The following ACKR3 variants were observed in gnomAD, a reference collection of about 807,000 sequenced individuals.
ACKR3 encodes the protein C-X-C chemokine receptor type 7.
In ACKR3, 6 loss-of-function variants were observed where a neutral mutation model predicts 22.4. The ratio of observed to expected loss-of-function variants is 0.27; its 90% CI spans 0.15 to 0.53. The LOEUF (loss-of-function observed/expected upper bound fraction) is 0.53, where lower values mean the gene tolerates loss of function less well. ACKR3 is among the 20% of genes least tolerant of loss of function. The probability of loss-of-function intolerance (pLI) is 0.96; values close to 1 mark genes in which losing one functional copy is unlikely to be tolerated. For synonymous variants in ACKR3, 209 were observed against 205.2 expected (o/e 1.02, Z -0.16); for missense variants, 396 against 475.2 (o/e 0.83, Z 1.55).
chr2:236,573,290 G>C (rs1297591010), intron 1 of ACKR3, among the ~76,000 whole-genome samples: 1 of 152,220 alleles, frequency 6.6e-6, no homozygotes, highest in African/African-American at 2.4e-5. Flanking sequence ...CAGCGTAAGC[G>C]GGGCTGGCCT....
At chr2:236,538,103 G>A in the ACKR3 span, among the ~76,000 whole-genome samples, 3 of 151,358 alleles carry the variant, frequency 2.0e-5, no homozygotes, top group South Asian at 2.1e-4. Flanking sequence ...TTTTTCTAGC[G>A]TGAAAAGCAA....
chr2:236,576,038 T>G (rs1691406406), intron 1 of ACKR3, among the ~76,000 whole-genome samples: 1 of 152,206 alleles, frequency 6.6e-6, no homozygotes, highest in South Asian at 2.1e-4. Context: ...AGAACCTAAG[T>G]GTCAGAAGTG....
At chr2:236,554,086 T>C in the ACKR3 span, among the ~76,000 whole-genome samples, 3 of 152,256 alleles carry the variant, frequency 2.0e-5, no homozygotes, top group African/African-American at 7.2e-5. Flanking sequence ...CTCAATCTCA[T>C]GGAGGAAGAT....
At position 236,571,936 on chromosome 2, in the gene ACKR3, A is replaced by AT. The variant is rs1691319486; in HGVS notation, c.-27+2014dup. Among the ~76,000 whole-genome samples the AT allele has an allele frequency of 2.0e-5, 3 of 152,342 alleles. No individual in the cohort carries two copies. In the South Asian group the frequency reaches 6.2e-4, roughly 32 times the overall value. On this transcript the variant is annotated intron_variant, in intron 1 of 1. Coordinates refer to ENST00000272928, the MANE Select transcript of ACKR3 (RefSeq NM_020311.3). ...GGCAATCAAATAACTTAGTTTTATT[A>AT]TTAGAAGCAAGAATAGTATTAAAAC...
chr2:236,563,849 T>C (rs986451706), upstream of ACKR3, among the ~76,000 whole-genome samples: 1 of 152,188 alleles, frequency 6.6e-6, no homozygotes, highest in African/African-American at 2.4e-5. Flanking sequence ...GCAGCCGCTG[T>C]GCCCCCACAG....
the ACKR3 span, among the ~76,000 whole-genome samples, chr2:236,562,436 G>T: frequency 1.3e-5 from 2 of 151,772 alleles, no homozygotes; most frequent in Admixed American, 1.3e-4. Context: ...TTTCAGTTTG[G>T]GTCTCTCATA....
upstream of ACKR3, among the ~76,000 whole-genome samples, chr2:236,567,455 T>C (rs908600403): frequency 4.6e-5 from 7 of 152,158 alleles, no homozygotes; most frequent in Non-Finnish European, 1.0e-4. Flanking sequence ...AGCACAATCT[T>C]CCAAAAGCAG....
At chr2:236,554,088 G>A in the ACKR3 span, among the ~76,000 whole-genome samples, 4 of 152,198 alleles carry the variant, frequency 2.6e-5, no homozygotes, top group Admixed American at 2.0e-4. Flanking sequence ...CAATCTCATG[G>A]AGGAAGATGT....
At chr2:236,543,507 A>G in the ACKR3 span, among the ~76,000 whole-genome samples, 2 of 151,836 alleles carry the variant, frequency 1.3e-5, no homozygotes, top group Non-Finnish European at 2.9e-5. Flanking sequence ...GATAAAAAGA[A>G]GATTTTGGAG....
At chr2:236,570,350 C>A (rs1691281267) in intron 1 of ACKR3, among the ~76,000 whole-genome samples, 1 of 152,216 alleles carries the variant, frequency 6.6e-6, no homozygotes, top group African/African-American at 2.4e-5. Flanking sequence ...AGTTTGGAAA[C>A]AGATAAAATT....
the ACKR3 span, among the ~76,000 whole-genome samples, chr2:236,560,927 G>C: frequency 4.7e-4 from 72 of 152,258 alleles, no homozygotes; most frequent in African/African-American, 1.7e-3. Context: ...TCAGGTGAAT[G>C]GATAAAGGAA....
chr2:236,554,022 G>A, the ACKR3 span, among the ~76,000 whole-genome samples: 1,863 of 152,282 alleles, frequency 0.012, 36 homozygotes, highest in African/African-American at 0.041. Context: ...TGAGGACACA[G>A]TACACCAGGA....
At chr2:236,564,717 A>C (rs1691144600), upstream of ACKR3, among the ~76,000 whole-genome samples, 1 of 151,614 alleles carries the variant, frequency 6.6e-6, no homozygotes, top group Non-Finnish European at 1.5e-5. Flanking sequence ...CCTCTGCTAT[A>C]GGTTTCTACA....
upstream of ACKR3, among the ~76,000 whole-genome samples, chr2:236,564,214 T>A (rs764991995): frequency 6.6e-6 from 1 of 152,216 alleles, no homozygotes; most frequent in African/African-American, 2.4e-5. Context: ...TGTAACCCAG[T>A]TGGAGGACTC....
intron 1 of ACKR3, among the ~76,000 whole-genome samples, chr2:236,573,697 G>A (rs961538160): frequency 5.3e-5 from 8 of 152,284 alleles, no homozygotes; most frequent in Admixed American, 3.3e-4. Context: ...TGATGTGTGT[G>A]TAGCAGCCTG....
chr2:236,552,154 T>C, the ACKR3 span, among the ~76,000 whole-genome samples: 1 of 152,068 alleles, frequency 6.6e-6, no homozygotes, highest in Non-Finnish European at 1.5e-5. Context: ...CAGAGCAAAA[T>C]GGTGCTGGTC....
chr2:236,547,314 T>C, the ACKR3 span, among the ~76,000 whole-genome samples: 2 of 152,242 alleles, frequency 1.3e-5, no homozygotes, highest in African/African-American at 4.8e-5. Context: ...AGTGTTAGTA[T>C]ACTTATGGAA....
Position 236,575,569 on chromosome 2 carries a change from G to C in ACKR3, c.-26-4871G>C, listed in dbSNP as rs1292331046. ...TTGTGCTGTGTGTGTGTGTGTGTCTGGGGTTGTGCTGTGTGTGCGTGTGTC... is the reference window on the plus strand; with the variant it reads ...TTGTGCTGTGTGTGTGTGTGTGTCTCGGGTTGTGCTGTGTGTGCGTGTGTC... On this transcript the variant is annotated intron_variant, in intron 1 of 1. Transcript: ENST00000272928. Among the ~76,000 whole-genome samples, 6 of 109,548 alleles carry C rather than the reference G, an allele frequency of 5.5e-5. No homozygotes were observed. The South Asian group carries it at 9.0e-4, about 16-fold the overall frequency. 71.9% of individuals were successfully genotyped at this position (109,548 alleles called of 152,430 possible).
At chr2:236,576,693 C>G (rs1164925582) in intron 1 of ACKR3, among the ~76,000 whole-genome samples, 2 of 152,262 alleles carry the variant, frequency 1.3e-5, no homozygotes, top group Non-Finnish European at 2.9e-5. Flanking sequence ...TGCACGCAGG[C>G]TGGGGCGGCC....
Sources: gnomAD v4.1 joint callset for allele counts (sites outside exome capture counted in the v4.1 genomes callset) on GRCh38, gnomAD v4.1.1 for gene constraint, MANE v1.5 for transcripts, NCBI Gene and HGNC (gene_info 2026-07-23, HGNC 2026-07-21) for gene names.